PTPRD: variants seen among roughly 807,000 people sequenced by gnomAD.
PTPRD encodes the protein protein tyrosine phosphatase receptor type D.
PTPRD carries 34 observed loss-of-function variants against 214.5 expected under a neutral mutation model. The observed-to-expected ratio is 0.16, with a 90% CI of 0.12 to 0.21. The LOEUF (loss-of-function observed/expected upper bound fraction) is 0.21. PTPRD is among the 10% of genes least tolerant of loss of function. The probability of loss-of-function intolerance (pLI) is 1.00; values close to 1 mark genes in which losing one functional copy is unlikely to be tolerated. For missense variants in PTPRD, 2,545 were observed against 2,398.7 expected (o/e 1.06, Z -1.27); for synonymous variants, 1,128 against 845.7 (o/e 1.33, Z -5.79).
intron 9 of PTPRD, among the ~76,000 whole-genome samples, chr9:9,240,953 A>C (rs2099970077): frequency 6.6e-6 from 1 of 152,118 alleles, no homozygotes; most frequent in African/African-American, 2.4e-5. Flanking sequence ...TTCTTTAATT[A>C]GATTCATAGA....
intron 7 of PTPRD, among the ~76,000 whole-genome samples, chr9:9,725,628 AT>A (rs2098075376): frequency 6.6e-6 from 1 of 152,084 alleles, no homozygotes; most frequent in African/African-American, 2.4e-5. Context: ...GGTTTCTTGA[AT>A]TTCATTTCCA....
chr9:8,454,263 A>G (rs1243961460), intron 33 of PTPRD, among the ~76,000 whole-genome samples: 5 of 152,352 alleles, frequency 3.3e-5, no homozygotes, highest in Non-Finnish European at 7.3e-5. Flanking sequence ...GACACCTCAC[A>G]TGTCTGCTCT....
rs562659511 is a variant in PTPRD, at chr9:9,668,974, GA to G, written c.-287+65558del. ...AGCTCTTGATTAGCTACTGTAGTGG[GA>G]AAAAAAAGTGAAACAGTAAATTAAT... On this transcript the variant is annotated intron_variant, in intron 7 of 45. Coordinates refer to ENST00000381196, the MANE Select transcript of PTPRD (RefSeq NM_002839.4). Among the ~76,000 whole-genome samples, 32 of 151,568 alleles carry G rather than the reference GA, an allele frequency of 2.1e-4. 1 individual carries two copies. In the South Asian group the frequency reaches 5.0e-3, roughly 24 times the overall value.
At chr9:8,511,974 G>C (rs914604762) in intron 21 of PTPRD, among the ~76,000 whole-genome samples, 16 of 152,048 alleles carry the variant, frequency 1.1e-4, no homozygotes, top group Admixed American at 1.0e-3. Context: ...TGATATATTA[G>C]AAGAGATTAA....
At chr9:9,925,617 C>A (rs193195435) in intron 5 of PTPRD, among the ~76,000 whole-genome samples, 1 of 151,112 alleles carries the variant, frequency 6.6e-6, no homozygotes, top group Admixed American at 6.6e-5. Flanking sequence ...ATTCAGATGA[C>A]AAAATTTTTT....
At chr9:9,513,741 T>G in intron 8 of PTPRD, among the ~76,000 whole-genome samples, 1 of 151,904 alleles carries the variant, frequency 6.6e-6, no homozygotes, top group African/African-American at 2.4e-5. Context: ...CAAAATTCCA[T>G]AAAAGAATAT....
intron 7 of PTPRD, among the ~76,000 whole-genome samples, chr9:9,688,005 G>T (rs1056777862): frequency 5.3e-5 from 8 of 151,758 alleles, no homozygotes; most frequent in African/African-American, 1.9e-4. Flanking sequence ...GGGATCTGAT[G>T]ATTTCAAACG....
rs141654798 is a variant in PTPRD at position 9,367,835 on chromosome 9, C to T, written c.-203+29614G>A. ...AGAAAAGGTGACATTTGTACAATCT[C>T]ACAGTCTTTTTATGTATTCTGTTCC... On this transcript the variant is annotated intron_variant, in intron 9 of 45. Transcript: ENST00000381196. Among the ~76,000 whole-genome samples, 78 of 151,766 alleles carry T rather than the reference C, an allele frequency of 5.1e-4. No homozygotes were observed. In the East Asian group the frequency reaches 0.014, roughly 27 times the overall value.
At chr9:8,586,345 C>G (rs55756484) in intron 14 of PTPRD, among the ~76,000 whole-genome samples, 4,564 of 152,214 alleles carry the variant, frequency 0.03, 113 homozygotes, top group South Asian at 0.057. Flanking sequence ...TAAATAGACT[C>G]TATAACCAGC....
chr9:9,065,011 C>A (rs543782234), intron 10 of PTPRD, among the ~76,000 whole-genome samples: 1 of 152,170 alleles, frequency 6.6e-6, no homozygotes, highest in East Asian at 1.9e-4. Flanking sequence ...TATGCCTGAA[C>A]TTTTGGCTGA....
At chr9:10,028,529 T>C (rs923905132) in intron 4 of PTPRD, among the ~76,000 whole-genome samples, 3 of 152,134 alleles carry the variant, frequency 2.0e-5, no homozygotes, top group African/African-American at 7.2e-5. Flanking sequence ...CTGATAATGA[T>C]ATGGATAATG....
intron 23 of PTPRD, among the ~76,000 whole-genome samples, chr9:8,501,440 A>C (rs1167336030): frequency 6.6e-6 from 1 of 152,146 alleles, no homozygotes; most frequent in Non-Finnish European, 1.5e-5. Context: ...AAATAGTGCT[A>C]GTATTTACTT....
At chr9:10,579,384 G>A (rs1225700680) in intron 2 of PTPRD, among the ~76,000 whole-genome samples, 1 of 152,144 alleles carries the variant, frequency 6.6e-6, no homozygotes, top group African/African-American at 2.4e-5. Context: ...TCCTGTTCCT[G>A]TGTTAATTCA....
Position 8,772,136 on chromosome 9 carries a change from A to AAAC in PTPRD, c.-103-38193_-103-38191dup, listed in dbSNP as rs149909048. 1.2e-3 allele frequency among the ~76,000 whole-genome samples: 181 copies of AAAC among 151,790 alleles called. No individual in the cohort carries two copies. In the Middle Eastern group the frequency reaches 0.017, roughly 14 times the overall value. ...AAAAAAAAACTATTCCTTCCTGAAA[A>AAAC]AACAACAACAACAACAACAACAACA... On this transcript the variant is annotated intron_variant, in intron 11 of 45. Coordinates refer to ENST00000381196, the MANE Select transcript of PTPRD (RefSeq NM_002839.4).
intron 5 of PTPRD, among the ~76,000 whole-genome samples, chr9:9,840,080 C>T (rs998044080): frequency 2.7e-4 from 41 of 152,044 alleles, no homozygotes; most frequent in Non-Finnish European, 1.2e-4. Flanking sequence ...CTCTGTCACC[C>T]AGGCTGAAGT....
chr9:8,469,159 T>C (rs1233589388), intron 31 of PTPRD, among the ~76,000 whole-genome samples: 4 of 152,034 alleles, frequency 2.6e-5, no homozygotes, highest in Middle Eastern at 3.2e-3. Flanking sequence ...CCCTTTGTTA[T>C]GGGAATCAGC....
Position 9,621,403 on chromosome 9 carries a change from A to G in PTPRD, c.-286-46622T>C, listed in dbSNP as rs530528921. 8.5e-5 allele frequency among the ~76,000 whole-genome samples: 13 copies of G among 152,326 alleles called. No homozygotes were observed. The South Asian group carries it at 2.7e-3, about 32-fold the overall frequency. The stretch of plus-strand genomic sequence containing the variant: ...TTATTATAGAAACGCTCATAAAGAC[A>G]CAATTTTCTCCTATCAATAAATATG... On this transcript the variant is annotated intron_variant, in intron 7 of 45. Transcript: ENST00000381196.
At chr9:9,093,418 A>G (rs2099779071) in intron 10 of PTPRD, among the ~76,000 whole-genome samples, 1 of 152,048 alleles carries the variant, frequency 6.6e-6, no homozygotes, top group Non-Finnish European at 1.5e-5. Flanking sequence ...TCACCATGAT[A>G]AACCATATTC....
intron 7 of PTPRD, among the ~76,000 whole-genome samples, chr9:9,668,080 C>T (rs916188013): frequency 1.3e-5 from 2 of 152,102 alleles, no homozygotes; most frequent in Non-Finnish European, 2.9e-5. Context: ...CACCCAAACT[C>T]AACTGATGGT....
Sources: allele counts gnomAD v4.1 joint callset (sites outside exome capture counted in the v4.1 genomes callset), GRCh38; gene constraint gnomAD v4.1.1; transcripts MANE v1.5; gene names NCBI Gene and HGNC (gene_info 2026-07-23, HGNC 2026-07-21).